DLG2: variants seen among roughly 807,000 people sequenced by gnomAD.
The protein encoded by DLG2 is disks large homolog 2.
A neutral mutation model predicts 132.5 loss-of-function variants in DLG2; 45 were observed. The ratio of observed to expected loss-of-function variants is 0.34; its 90% CI spans 0.27 to 0.44. The LOEUF (loss-of-function observed/expected upper bound fraction) is 0.44, where lower values mean the gene tolerates loss of function less well. Among genes scored for constraint, DLG2 ranks in the 20% least tolerant of loss-of-function variants. The pLI, the probability that DLG2 is intolerant of heterozygous loss-of-function variation, is 1.00. For synonymous variants in DLG2, 424 were observed against 419.6 expected, an observed-to-expected ratio of 1.01 and a Z score of -0.13; for missense variants, 1,045 against 1,196.9, an observed-to-expected ratio of 0.87 and a Z score of 1.87.
chr11:84,221,707 A>C (rs74627504), intron 8 of DLG2, among the ~76,000 whole-genome samples: 3,791 of 152,174 alleles, frequency 0.025, 65 homozygotes, highest in Non-Finnish European at 0.038. Context: ...ATTTTCTTTT[A>C]CGTGAATTGG....
intron 8 of DLG2, among the ~76,000 whole-genome samples, chr11:84,179,234 T>C (rs1330211118): frequency 6.6e-6 from 1 of 152,188 alleles, no homozygotes; most frequent in Non-Finnish European, 1.5e-5. Flanking sequence ...AGTTTGGGGC[T>C]GATGGCCTAC....
At chr11:84,997,151 A>G (rs907168548) in intron 6 of DLG2, 13 of 153,192 alleles carry the variant, frequency 8.5e-5, no homozygotes. Flanking sequence ...TAAATTGAAA[A>G]GGCCAGTAAT....
At chr11:85,108,495 A>G (rs146597169) in intron 6 of DLG2, among the ~76,000 whole-genome samples, 1 of 152,102 alleles carries the variant, frequency 6.6e-6, no homozygotes, top group Non-Finnish European at 1.5e-5. Context: ...AATTTCATAC[A>G]TATCATAGTT....
chr11:85,281,708 C>T (rs1360775347), intron 4 of DLG2, among the ~76,000 whole-genome samples: 1 of 151,860 alleles, frequency 6.6e-6, no homozygotes, highest in African/African-American at 2.4e-5. Flanking sequence ...AGGGCAATAA[C>T]GGATGCTGGT....
intron 6 of DLG2, among the ~76,000 whole-genome samples, chr11:84,605,235 T>C (rs1156507478): frequency 1.3e-5 from 2 of 152,006 alleles, no homozygotes; most frequent in African/African-American, 4.8e-5. Flanking sequence ...CAGATTGTTA[T>C]GTATGATCAT....
At chr11:85,389,873 G>A (rs1006594929) in intron 3 of DLG2, among the ~76,000 whole-genome samples, 3 of 152,044 alleles carry the variant, frequency 2.0e-5, no homozygotes, top group African/African-American at 7.2e-5. Flanking sequence ...TCTAAATCTT[G>A]AAACAAATCC....
At chr11:84,220,602 T>A (rs1443280306) in intron 8 of DLG2, among the ~76,000 whole-genome samples, 1 of 152,076 alleles carries the variant, frequency 6.6e-6, no homozygotes, top group Non-Finnish European at 1.5e-5. Context: ...TCTTCTAACA[T>A]GGATAACAAT....
At chr11:85,040,246 C>A (rs565095789) in intron 6 of DLG2, among the ~76,000 whole-genome samples, 1 of 152,000 alleles carries the variant, frequency 6.6e-6, no homozygotes, top group Admixed American at 6.6e-5. Context: ...TTTTTAACCA[C>A]TTCTTGTAGC....
intron 3 of DLG2, among the ~76,000 whole-genome samples, chr11:85,309,141 C>A (rs2080153423): frequency 1.3e-5 from 2 of 152,020 alleles, no homozygotes; most frequent in Admixed American, 6.6e-5. Context: ...GCTTCTCAGT[C>A]CCAGGAGAAG....
intron 6 of DLG2, among the ~76,000 whole-genome samples, chr11:84,855,342 C>T (rs1241536205): frequency 1.3e-5 from 2 of 151,936 alleles, no homozygotes; most frequent in Admixed American, 6.6e-5. Context: ...GAATGCAGCT[C>T]CTTACTATAT....
intron 7 of DLG2, among the ~76,000 whole-genome samples, chr11:84,515,356 T>C (rs1412298772): frequency 1.3e-5 from 2 of 150,248 alleles, no homozygotes; most frequent in African/African-American, 2.4e-5. Context: ...CTTTAAGTAA[T>C]TGTAAGAACA....
At chr11:85,445,031 G>C (rs779284055) in intron 3 of DLG2, among the ~76,000 whole-genome samples, 4 of 152,096 alleles carry the variant, frequency 2.6e-5, no homozygotes, top group Non-Finnish European at 5.9e-5. Context: ...ATAAGAGAAA[G>C]AACAGATAAA....
At chr11:83,795,911 T>G (rs552042133) in intron 17 of DLG2, among the ~76,000 whole-genome samples, 1 of 152,374 alleles carries the variant, frequency 6.6e-6, no homozygotes, top group African/African-American at 2.4e-5. Flanking sequence ...TTTCTCTGAT[T>G]CAGCCATTTC....
At chr11:84,516,794 C>A (rs1416940962) in intron 7 of DLG2, among the ~76,000 whole-genome samples, 2 of 150,722 alleles carry the variant, frequency 1.3e-5, no homozygotes, top group Non-Finnish European at 3.0e-5. Flanking sequence ...GAACAATATT[C>A]CTGATGAACG....
intron 7 of DLG2, among the ~76,000 whole-genome samples, chr11:84,254,201 T>C (rs1243715009): frequency 3.9e-5 from 6 of 152,158 alleles, no homozygotes; most frequent in Non-Finnish European, 5.9e-5. Flanking sequence ...TAAATAGGTA[T>C]TAATTTTATT....
chr11:83,620,443 A>G (rs1027243981), intron 19 of DLG2, among the ~76,000 whole-genome samples: 4 of 152,208 alleles, frequency 2.6e-5, no homozygotes, highest in African/African-American at 9.6e-5. Context: ...TCTTTTAATA[A>G]GTATCACTGA....
intron 19 of DLG2, among the ~76,000 whole-genome samples, chr11:83,606,019 G>A (rs1157675374): frequency 6.6e-6 from 1 of 152,182 alleles, no homozygotes; most frequent in South Asian, 2.1e-4. Context: ...TATACTAGTT[G>A]TTATGCTACT....
chr11:85,360,255 G>A (rs2084044420), intron 3 of DLG2, among the ~76,000 whole-genome samples: 1 of 152,208 alleles, frequency 6.6e-6, no homozygotes, highest in African/African-American at 2.4e-5. Context: ...AGGCTGTAAT[G>A]TCTGAAAGGC....
intron 3 of DLG2, among the ~76,000 whole-genome samples, chr11:85,397,317 C>T (rs556228511): frequency 3.2e-4 from 48 of 152,256 alleles, no homozygotes; most frequent in African/African-American, 1.1e-3. Context: ...CCAGCCACTG[C>T]AAAAACATGC....
Sources: allele counts gnomAD v4.1 joint callset (sites outside exome capture counted in the v4.1 genomes callset), GRCh38; gene constraint gnomAD v4.1.1; transcripts MANE v1.5; gene names NCBI Gene and HGNC (gene_info 2026-07-23, HGNC 2026-07-21).